NOC2L: variants seen among roughly 807,000 people sequenced by gnomAD.
The protein encoded by NOC2L is nucleolar complex protein 2 homolog.
In NOC2L, 101 loss-of-function variants were observed where a neutral mutation model predicts 94.2. The ratio of observed to expected loss-of-function variants is 1.07; its 90% confidence interval spans 0.91 to 1.26. The LOEUF is 1.26. Among genes scored for constraint, NOC2L ranks in the 50% most tolerant of loss-of-function variants. NOC2L has a pLI of 0.00. For synonymous variants in NOC2L, 531 were observed against 413.4 expected (o/e 1.28, Z -3.45); for missense variants, 1,076 against 980.1 (o/e 1.10, Z -1.31).
chr1:957,687 C>G (rs1293680393), intron 2 of NOC2L: 1 of 183,482 alleles, frequency 5.5e-6, no homozygotes, highest in Non-Finnish European at 1.2e-5. Flanking sequence ...CCTTCAAAAC[C>G]GTTCGTGCCT....
At chr1:948,658 T>G (rs1438139258) in intron 12 of NOC2L, 55 bp from the exon 13 acceptor site, 41 of 1,433,994 alleles carry the variant, frequency 2.9e-5, no homozygotes, top group African/African-American at 8.4e-5. Context: ...CACCCTGGCT[T>G]CACCCTGGCT....
intron 12 of NOC2L, among the ~76,000 whole-genome samples, chr1:950,227 A>T (rs1438326551): frequency 6.6e-6 from 1 of 150,546 alleles, no homozygotes; most frequent in Non-Finnish European, 1.5e-5. Flanking sequence ...CACGCACAGT[A>T]CACACATGCA....
chr1:949,717 G>C lies in NOC2L; in HGVS notation c.1444-1114C>G, dbSNP rs189239698. On this transcript the variant is annotated intron_variant, in intron 12 of 18. Transcript: ENST00000327044. ...CCTGGAGCTGGGCAGCAGAGCTGGA[G>C]GCCCACAGACACAGGGGCCAGGCCA... Among the ~76,000 whole-genome samples, 432 of 152,310 alleles carry C rather than the reference G, an allele frequency of 2.8e-3. 4 individuals are homozygous for C. Among genetic ancestry groups the C allele is most frequent in the African/African-American group, 9.6e-3 (401 of 41,558 alleles).
At chr1:951,408 G>A (rs10465242) in intron 11 of NOC2L, among the ~76,000 whole-genome samples, 170 bp from the exon 12 acceptor site, 116,241 of 151,392 alleles carry the variant, frequency 0.77, 47,030 homozygotes, top group Non-Finnish European at 0.9. Flanking sequence ...TGGGGCTGCA[G>A]GTACCTTACC....
chr1:947,809 G>C (rs930503376), intron 14 of NOC2L, among the ~76,000 whole-genome samples: 1 of 152,240 alleles, frequency 6.6e-6, no homozygotes, highest in Non-Finnish European at 1.5e-5. Context: ...TGTGCGATCA[G>C]CGTACCAGCC....
chr1:952,994 C>A (rs1243445291), intron 9 of NOC2L, among the ~76,000 whole-genome samples, 181 bp downstream of exon 9: 3 of 152,204 alleles, frequency 2.0e-5, no homozygotes, highest in Non-Finnish European at 4.4e-5. Flanking sequence ...CGAGGGCTCT[C>A]TTCCCTGCCC....
In NOC2L at chr1:944,426, T is replaced by C. The variant is rs946972060; in HGVS notation, c.*268A>G. The C allele has an allele frequency of 9.3e-7, 1 of 1,078,346 alleles. No individual in the cohort carries two copies. The highest frequency in any genetic ancestry group is 1.2e-6 in the Non-Finnish European group (1 of 804,408). 66.8% of individuals were successfully genotyped at this position (1,078,346 alleles called of 1,614,324 possible). ...GGCCTCCCCCTGGAACTGGGACTGG[T>C]CTCGGTCTGCTGACGTCAGGGTCAG... On this transcript the variant is annotated 3_prime_UTR_variant, in exon 19 of 19. Transcript: ENST00000327044.
Position 946,389 on chromosome 1 carries a change from A to T in NOC2L, c.1803+13T>A. On this transcript the variant is annotated intron_variant, in intron 15 of 18. Coordinates refer to ENST00000327044, the MANE Select transcript of NOC2L (RefSeq NM_015658.4). ...GGTGCCCTCAGGTGGCACTACCCCCAGGGCCCACTAACCACTGCCTGCTGC... is the reference window on the plus strand; with the variant it reads ...GGTGCCCTCAGGTGGCACTACCCCCTGGGCCCACTAACCACTGCCTGCTGC... The T allele has an allele frequency of 6.2e-7, 1 of 1,613,510 alleles. No individual in the cohort carries two copies. The highest frequency in any genetic ancestry group is 8.5e-7 in the Non-Finnish European group (1 of 1,179,984).
intron 16 of NOC2L, 85 bp downstream of exon 16, chr1:946,088 C>T: frequency 9.5e-7 from 1 of 1,052,418 alleles, no homozygotes; most frequent in African/African-American, 1.6e-5. Context: ...TTTCCAAACC[C>T]TCGCCCTGGT....
chr1:956,318 A>C, intron 4 of NOC2L, 103 bp from the exon 5 acceptor site: 1 of 1,381,018 alleles, frequency 7.2e-7, no homozygotes, highest in Non-Finnish European at 1.0e-6. Context: ...TCACCCTCAG[A>C]CATAGGGCAG....
intron 6 of NOC2L, chr1:954,401 T>C (rs946430623): frequency 9.0e-6 from 3 of 334,706 alleles, no homozygotes; most frequent in Non-Finnish European, 1.6e-5. Context: ...CTAGGTCCCC[T>C]TGATCACATC....
At chr1:956,845 C>A (rs761899064) in intron 4 of NOC2L, 49 bp downstream of exon 4, 3 of 1,604,084 alleles carry the variant, frequency 1.9e-6, no homozygotes, top group Non-Finnish European at 2.6e-6. Flanking sequence ...TGAGGCAAGG[C>A]CAGATTTCTG....
chr1:951,260 G>A (rs377372475), intron 11 of NOC2L, 22 bp from the exon 12 acceptor site: 3 of 1,535,588 alleles, frequency 2.0e-6, no homozygotes, highest in African/African-American at 2.7e-5. Flanking sequence ...AAGGCCGAGT[G>A]AGCAGAGGCC....
intron 8 of NOC2L, 131 bp from the exon 9 acceptor site, chr1:953,419 G>A (rs1268315239): frequency 6.3e-6 from 4 of 638,210 alleles, no homozygotes; most frequent in South Asian, 3.8e-5. Context: ...CCTCGGGGGA[G>A]CCGTGAGTTA....
intron 8 of NOC2L, 68 bp downstream of exon 8, chr1:953,714 T>C: frequency 8.5e-7 from 1 of 1,173,732 alleles, no homozygotes; most frequent in Admixed American, 1.8e-5. Context: ...AGGAGTGGGA[T>C]GTGGTGGGGG....
intron 16 of NOC2L, 59 bp from the exon 17 acceptor site, chr1:945,712 C>T (rs947807398): frequency 6.2e-7 from 1 of 1,611,136 alleles, no homozygotes; most frequent in Non-Finnish European, 8.5e-7. Flanking sequence ...GCGGCCACAG[C>T]AGGGCCAGGC....
At chr1:956,256 A>G in intron 4 of NOC2L, 41 bp from the exon 5 acceptor site, 1 of 1,607,000 alleles carries the variant, frequency 6.2e-7, no homozygotes, top group East Asian at 2.2e-5. Context: ...GGGAGCTGAG[A>G]CTGCACTTGG....
At chr1:946,333 C>T in intron 15 of NOC2L, 47 bp from the exon 16 acceptor site, 3 of 1,611,682 alleles carry the variant, frequency 1.9e-6, no homozygotes, top group East Asian at 2.2e-5. Context: ...CTGGGCAAAC[C>T]CCCACATGTA....
chr1:945,168 C>T, intron 17 of NOC2L, 22 bp from the exon 18 acceptor site: 3 of 1,573,458 alleles, frequency 1.9e-6, no homozygotes, highest in Non-Finnish European at 2.6e-6. Context: ...GAAGCAGAGT[C>T]CATATGACTC....
Sources: gnomAD v4.1 joint callset for allele counts (sites outside exome capture counted in the v4.1 genomes callset) on GRCh38, gnomAD v4.1.1 for gene constraint, MANE v1.5 for transcripts, NCBI Gene and HGNC (gene_info 2026-07-23, HGNC 2026-07-21) for gene names.